SLC45A4: variants seen among roughly 807,000 people sequenced by gnomAD.
SLC45A4 encodes solute carrier family 45 member 4.
SLC45A4 carries 32 observed loss-of-function variants against 63.7 expected under a neutral mutation model. The ratio of observed to expected loss-of-function variants is 0.50; its 90% confidence interval spans 0.38 to 0.67. The LOEUF is 0.67. SLC45A4 is among the 30% of genes least tolerant of loss of function. The pLI is 0.00. For missense variants in SLC45A4, 1,027 were observed against 1,157.7 expected (o/e 0.89, Z 1.64); for synonymous variants, 535 against 510.0 (o/e 1.05, Z -0.66).
intron 2 of SLC45A4, among the ~76,000 whole-genome samples, chr8:141,250,808 T>C (rs972778035): frequency 2.0e-5 from 3 of 152,206 alleles, no homozygotes; most frequent in Non-Finnish European, 2.9e-5. Context: ...CATACCCCCG[T>C]TGCAAGTTGA....
chr8:141,252,384 C>G (rs1242053619), intron 2 of SLC45A4: 2 of 164,962 alleles, frequency 1.2e-5, no homozygotes, highest in Non-Finnish European at 2.6e-5. Flanking sequence ...CGTGTTTTCA[C>G]GCCCACCTGC....
rs1825902636 is a variant in SLC45A4 at position 141,212,535 on chromosome 8, TC to T, written c.1962del (p.Asn655ThrfsTer8). On this transcript the variant is annotated frameshift_variant, in exon 8 of 9. Coordinates refer to ENST00000517878, the MANE Select transcript of SLC45A4 (RefSeq NM_001286646.2). LOFTEE classifies it high-confidence loss of function. Reference protein sequence around the residue: ...DIKQYIHHSPGNSKRGFGIDC... With the variant: ...DIKQYIHHSPXNSKRGFGIDC... ...TCTATGCCAAACCCTCGCTTGGAGTTCCCGGGGCTGTGGTGGATGTACTGCA... is the reference window on the plus strand; with the variant it reads ...TCTATGCCAAACCCTCGCTTGGAGTTCCGGGGCTGTGGTGGATGTACTGCA... 6.2e-7 allele frequency: 1 copy of T among 1,607,674 alleles called. No homozygotes were observed. The highest frequency in any genetic ancestry group is 1.3e-5 in the African/African-American group (1 of 74,778).
intron 1 of SLC45A4, among the ~76,000 whole-genome samples, chr8:141,276,454 G>C (rs893588623): frequency 6.6e-6 from 1 of 152,156 alleles, no homozygotes; most frequent in Non-Finnish European, 1.5e-5. Flanking sequence ...CAGCTATTTG[G>C]TACGGAAACA....
intron 2 of SLC45A4, among the ~76,000 whole-genome samples, chr8:141,233,367 A>G (rs373936364): frequency 5.3e-4 from 80 of 152,210 alleles, no homozygotes; most frequent in African/African-American, 1.9e-3. Context: ...CAGTTTATCA[A>G]TAAAGATCTT....
intron 2 of SLC45A4, chr8:141,226,392 T>G (rs1460747342): frequency 2.0e-5 from 3 of 152,348 alleles, no homozygotes; most frequent in South Asian, 4.1e-4. Context: ...CAAGGTGCCC[T>G]GCCCCACGTG....
intron 1 of SLC45A4, among the ~76,000 whole-genome samples, chr8:141,276,093 G>A (rs1325532962): frequency 6.6e-6 from 1 of 151,960 alleles, no homozygotes; most frequent in Non-Finnish European, 1.5e-5. Context: ...TTTGAGATGG[G>A]ATCTCACTAT....
intron 2 of SLC45A4, among the ~76,000 whole-genome samples, chr8:141,242,526 A>G (rs937277335): frequency 1.3e-5 from 2 of 152,104 alleles, no homozygotes; most frequent in Non-Finnish European, 2.9e-5. Flanking sequence ...ATTATCAAGA[A>G]CGGGCGAGAC....
intron 2 of SLC45A4, among the ~76,000 whole-genome samples, chr8:141,234,620 C>T (rs1827528875): frequency 6.6e-6 from 1 of 152,200 alleles, no homozygotes; most frequent in African/African-American, 2.4e-5. Context: ...TGAACCTACC[C>T]CAGGTCCTGA....
chr8:141,232,259 G>A (rs1423430054), intron 2 of SLC45A4, among the ~76,000 whole-genome samples: 2 of 152,272 alleles, frequency 1.3e-5, no homozygotes, highest in Non-Finnish European at 2.9e-5. Flanking sequence ...CCGCTGCTCT[G>A]TGCGCCATGC....
Position 141,254,467 on chromosome 8 carries a change from T to G in SLC45A4, c.-238A>C. 1 of 665,076 alleles carries G rather than the reference T, an allele frequency of 1.5e-6. No individual in the cohort carries two copies. Among genetic ancestry groups the G allele is most frequent in the Non-Finnish European group, 2.7e-6 (1 of 366,160 alleles). 41.2% of individuals were successfully genotyped at this position (665,076 alleles called of 1,614,324 possible). The stretch of plus-strand genomic sequence containing the variant: ...GATTTTAAACATATGGCTTGCTGGT[T>G]TACTGTGAATTAGAGTTAAAAATCC... On this transcript the variant is annotated 5_prime_UTR_variant, in exon 2 of 9. An upstream open reading frame in the 5' UTR loses its in-frame stop. Coordinates refer to ENST00000517878, the MANE Select transcript of SLC45A4 (RefSeq NM_001286646.2). The surrounding 1 kb of genome is among the most constrained non-coding windows in gnomAD (Gnocchi z 4.5).
At chr8:141,288,681 G>A (rs1830242208) in intron 1 of SLC45A4, among the ~76,000 whole-genome samples, 1 of 152,250 alleles carries the variant, frequency 6.6e-6, no homozygotes, top group Non-Finnish European at 1.5e-5. Context: ...TGCAGTGAGC[G>A]GGGTCACACT....
intron 1 of SLC45A4, among the ~76,000 whole-genome samples, chr8:141,284,298 C>T (rs1363674576): frequency 6.6e-6 from 1 of 152,206 alleles, no homozygotes; most frequent in Non-Finnish European, 1.5e-5. Context: ...GAGCAAAGAA[C>T]AGGTGGCCAC....
intron 2 of SLC45A4, among the ~76,000 whole-genome samples, chr8:141,241,242 C>A (rs1827897805): frequency 6.6e-6 from 1 of 152,262 alleles, no homozygotes; most frequent in South Asian, 2.1e-4. Context: ...AGCAGCAGCA[C>A]AGCCAAGAAG....
chr8:141,277,678 C>T (rs1275910086), intron 1 of SLC45A4, among the ~76,000 whole-genome samples: 11 of 151,556 alleles, frequency 7.3e-5, no homozygotes, highest in African/African-American at 2.7e-4. Context: ...CTTGCTCTGT[C>T]CCCCAGGCTG....
At chr8:141,307,943 G>A (rs1391682334) in intron 1 of SLC45A4, among the ~76,000 whole-genome samples, 153 bp downstream of exon 1, 2 of 151,368 alleles carry the variant, frequency 1.3e-5, no homozygotes, top group African/African-American at 4.8e-5. Flanking sequence ...CCCCTCCCCC[G>A]GAGAAGGTGC....
rs138519731 is a variant in SLC45A4, at chr8:141,274,222, C to G, written c.-400-19593G>C. On this transcript the variant is annotated intron_variant, in intron 1 of 8. Transcript: ENST00000517878. Reference sequence around the variant, plus strand: ...CCAGCCTGGGCAACAGAGGGAGACTCAGTCTCAAACAAACAAAATGTAAAG... The same window carrying G: ...CCAGCCTGGGCAACAGAGGGAGACTGAGTCTCAAACAAACAAAATGTAAAG... Among the ~76,000 whole-genome samples the G allele has an allele frequency of 4.0e-3, 571 of 144,032 alleles. 8 individuals are homozygous for G. The highest frequency in any genetic ancestry group is 0.014 in the African/African-American group (545 of 38,600). The allele number at this position is 144,032 out of a possible 152,430, so 94.5% of individuals were successfully genotyped here. A position where few individuals can be genotyped will look rare whatever the true frequency, so the allele number is the denominator to read the frequency against.
At position 141,306,027 on chromosome 8, in the gene SLC45A4, C is replaced by T. The variant is rs1422335624; in HGVS notation, c.-401+2069G>A. On this transcript the variant is annotated intron_variant, in intron 1 of 8. Transcript: ENST00000517878. The stretch of plus-strand genomic sequence containing the variant: ...CTTGCTCCGCCCCTCCCCCACCCCC[C>T]TCCAATAAGCAAAGTTAGAGGGTGT... Among the ~76,000 whole-genome samples the T allele has an allele frequency of 2.6e-5, 4 of 152,172 alleles. No individual in the cohort carries two copies. In the East Asian group the frequency reaches 7.7e-4, roughly 29 times the overall value.
chr8:141,218,637 A>T lies in SLC45A4; in HGVS notation c.1003T>A (p.Phe335Ile). ...LFLHDIEPSI[F>I]HDASYPATPR... ...GTGGCGGGGTAGGAGGCGTCGTGGA[A>T]GATGGAGGGCTCGATGTCGTGCAGG... The change falls in exon 5 of 9, where the codon TTC (phenylalanine) becomes ATC (isoleucine). Residue 335 changes from phenylalanine to isoleucine, a missense_variant. Transcript: ENST00000517878. The T allele has an allele frequency of 6.2e-7, 1 of 1,613,302 alleles. No homozygotes were observed. The highest frequency in any genetic ancestry group is 8.5e-7 in the Non-Finnish European group (1 of 1,179,892).
At chr8:141,297,959 T>C (rs1830620452) in intron 1 of SLC45A4, among the ~76,000 whole-genome samples, 1 of 150,654 alleles carries the variant, frequency 6.6e-6, no homozygotes, top group Non-Finnish European at 1.5e-5. Context: ...AAAAACCTTC[T>C]CCATGTGACT....
Sources: gnomAD v4.1 joint callset for allele counts (sites outside exome capture counted in the v4.1 genomes callset) on GRCh38, gnomAD v4.1.1 for gene constraint, Gnocchi (gnomAD v3.1) non-coding constraint, MANE v1.5 for transcripts, NCBI Gene and HGNC (gene_info 2026-07-23, HGNC 2026-07-21) for gene names.